IGF1R: variants seen among roughly 807,000 people sequenced by gnomAD.
IGF1R encodes insulin-like growth factor 1 receptor.
A neutral mutation model predicts 144.6 loss-of-function variants in IGF1R; 44 were observed. The ratio of observed to expected loss-of-function variants is 0.30; its 90% confidence interval spans 0.24 to 0.39. IGF1R has a LOEUF of 0.39. Ranked by LOEUF, IGF1R falls within the 10% of genes least tolerant of loss-of-function variation. IGF1R has a pLI of 1.00. For synonymous variants in IGF1R, 795 were observed against 722.8 expected, an observed-to-expected ratio of 1.10 and a Z score of -1.60; for missense variants, 1,355 against 1,833.7, an observed-to-expected ratio of 0.74 and a Z score of 4.77.
chr15:98,806,379 G>C (rs2056471481), intron 2 of IGF1R, among the ~76,000 whole-genome samples: 1 of 152,150 alleles, frequency 6.6e-6, no homozygotes, highest in South Asian at 2.1e-4. Flanking sequence ...TGACTTGGGA[G>C]GGACAAGTTT....
chr15:98,850,508 G>GT (rs2011490143), intron 2 of IGF1R, among the ~76,000 whole-genome samples: 1 of 152,236 alleles, frequency 6.6e-6, no homozygotes, highest in Admixed American at 6.5e-5. Context: ...CTGTAGCCAT[G>GT]TCCTCGGAAG....
intron 2 of IGF1R, among the ~76,000 whole-genome samples, chr15:98,871,086 G>A (rs889555501): frequency 6.6e-6 from 1 of 152,328 alleles, no homozygotes; most frequent in South Asian, 2.1e-4. Context: ...AACAGCCTGC[G>A]TATGTTCTTG....
At chr15:98,858,696 C>T (rs111535560) in intron 2 of IGF1R, among the ~76,000 whole-genome samples, 1,646 of 152,318 alleles carry the variant, frequency 0.011, 23 homozygotes, top group African/African-American at 0.037. Flanking sequence ...TGGGCTTCCT[C>T]CTCCATTGTT....
Position 98,707,925 on chromosome 15 carries a change from C to T in IGF1R, c.458C>T (p.Ser153Phe), listed in dbSNP as rs761647334. 13 of 1,614,174 alleles carry T rather than the reference C, an allele frequency of 8.1e-6. No homozygotes were observed. The South Asian group carries it at 1.3e-4, about 16-fold the overall frequency. Residue 153 changes from serine to phenylalanine, a missense_variant, in exon 2 of 21, where the codon TCC becomes TTC. Ser to Phe is a radical substitution (Grantham distance 155). Transcript: ENST00000650285. This position sits in a 1 kb window ranked among gnomAD's most constrained non-coding sequence, Gnocchi z 6.7. ...AAAAATGCTGACCTCTGTTACCTCT[C>T]CACTGTGGACTGGTCCCTGATCCTG... ...IEKNADLCYL[S>F]TVDWSLILDA...
Position 98,939,309 on chromosome 15 carries a change from C to A in IGF1R, c.3406C>A (p.Leu1136Ile). Residue 1136 changes from leucine (L) to isoleucine (I), a missense_variant, in exon 18 of 21, where the codon CTT becomes ATT. Coordinates refer to ENST00000650285, the MANE Select transcript of IGF1R (RefSeq NM_000875.5). ...LNANKFVHRD[L>I]AARNCMVAED... ...CGCCAATAAGTTCGTCCACAGAGAC[C>A]TTGCTGCCCGGAATTGCATGGTAGC... 2 of 1,614,150 alleles carry A rather than the reference C, an allele frequency of 1.2e-6. No individual in the cohort carries two copies. Among genetic ancestry groups the A allele is most frequent in the Non-Finnish European group, 1.7e-6 (2 of 1,180,022 alleles).
chr15:98,902,671 C>T (rs2014545030), intron 5 of IGF1R, among the ~76,000 whole-genome samples: 1 of 152,274 alleles, frequency 6.6e-6, no homozygotes, highest in African/African-American at 2.4e-5. Context: ...GCCTCAGCCT[C>T]CCAATGTGCT....
At chr15:98,810,750 G>C (rs1316965232) in intron 2 of IGF1R, among the ~76,000 whole-genome samples, 1 of 151,226 alleles carries the variant, frequency 6.6e-6, no homozygotes, top group East Asian at 2.0e-4. Context: ...GGGTTTCACC[G>C]TGTTAGCCAG....
chr15:98,950,032 T>C (rs2016714447), intron 20 of IGF1R, among the ~76,000 whole-genome samples: 1 of 152,188 alleles, frequency 6.6e-6, no homozygotes, highest in Non-Finnish European at 1.5e-5. Flanking sequence ...TGGATCTCCA[T>C]AGCTGAACAG....
At chr15:98,767,472 T>C (rs1458100374) in intron 2 of IGF1R, among the ~76,000 whole-genome samples, 1 of 152,148 alleles carries the variant, frequency 6.6e-6, no homozygotes, top group Non-Finnish European at 1.5e-5. Flanking sequence ...CTTCGTCATA[T>C]TTTGGAAAAC....
At chr15:98,828,363 G>C (rs1219264875) in intron 2 of IGF1R, among the ~76,000 whole-genome samples, 1 of 152,080 alleles carries the variant, frequency 6.6e-6, no homozygotes, top group Admixed American at 6.5e-5. Flanking sequence ...GCTCGTATAA[G>C]ACACCTTGGT....
intron 1 of IGF1R, among the ~76,000 whole-genome samples, chr15:98,655,282 T>G (rs754539176): frequency 3.3e-5 from 5 of 152,232 alleles, no homozygotes; most frequent in Non-Finnish European, 7.3e-5. Flanking sequence ...TTTATTTGAC[T>G]CAAAGTATTA....
chr15:98,869,065 AAAGT>A (rs2012625425), intron 2 of IGF1R, among the ~76,000 whole-genome samples: 1 of 152,166 alleles, frequency 6.6e-6, no homozygotes, highest in Non-Finnish European at 1.5e-5. Context: ...TCATCTCCTA[AAAGT>A]GGTTTCTCAG....
intron 2 of IGF1R, among the ~76,000 whole-genome samples, chr15:98,763,584 T>TA (rs1451812034): frequency 3.3e-5 from 5 of 152,062 alleles, no homozygotes; most frequent in Non-Finnish European, 7.4e-5. Context: ...TGTTAACAGG[T>TA]AGCATCCACA....
At chr15:98,797,009 G>A (rs550727106) in intron 2 of IGF1R, among the ~76,000 whole-genome samples, 11 of 152,322 alleles carry the variant, frequency 7.2e-5, no homozygotes, top group South Asian at 6.2e-4. Context: ...TGGGGGTGTG[G>A]TGCTATGCTG....
At chr15:98,682,288 TG>T (rs1242535464) in intron 1 of IGF1R, among the ~76,000 whole-genome samples, 1 of 152,162 alleles carries the variant, frequency 6.6e-6, no homozygotes, top group Non-Finnish European at 1.5e-5. Context: ...GAAAGATGAC[TG>T]TCCCTCTCAT....
chr15:98,875,558 T>G (rs1354235892), intron 2 of IGF1R, among the ~76,000 whole-genome samples: 2 of 152,150 alleles, frequency 1.3e-5, no homozygotes, highest in African/African-American at 4.8e-5. Flanking sequence ...TTTTTTTTTT[T>G]TGAGAATGGC....
At chr15:98,710,511 A>T (rs1333025022) in intron 2 of IGF1R, among the ~76,000 whole-genome samples, 1 of 152,096 alleles carries the variant, frequency 6.6e-6, no homozygotes. Flanking sequence ...TAGGTGTAAA[A>T]TATACACTAG....
intron 5 of IGF1R, among the ~76,000 whole-genome samples, chr15:98,900,438 G>A (rs1196869325): frequency 1.3e-5 from 2 of 152,216 alleles, no homozygotes; most frequent in Admixed American, 6.5e-5. Context: ...AAGAAGAGGC[G>A]AGAAGGTCAT....
At chr15:98,662,816 G>A (rs2052632269) in intron 1 of IGF1R, among the ~76,000 whole-genome samples, 1 of 152,192 alleles carries the variant, frequency 6.6e-6, no homozygotes, top group Non-Finnish European at 1.5e-5. Context: ...GAGAGGAAGG[G>A]ACCATGTGTG....
Sources: allele counts gnomAD v4.1 joint callset (sites outside exome capture counted in the v4.1 genomes callset), GRCh38; gene constraint gnomAD v4.1.1; non-coding constraint Gnocchi (gnomAD v3.1); transcripts MANE v1.5; gene names NCBI Gene and HGNC (gene_info 2026-07-23, HGNC 2026-07-21).